The following AGBL4 variants were observed in gnomAD, a reference collection of about 807,000 sequenced individuals.
AGBL4 encodes AGBL carboxypeptidase 4, also known as cytosolic carboxypeptidase 6.
AGBL4 carries 58 observed loss-of-function variants against 66.4 expected under a neutral mutation model. The observed-to-expected ratio is 0.87, with a 90% CI of 0.71 to 1.09. The LOEUF is 1.09. Ranked by LOEUF, AGBL4 falls within the 50% of genes least tolerant of loss-of-function variation. AGBL4 has a pLI of 0.00. For missense variants in AGBL4, 579 were observed against 631.0 expected, an observed-to-expected ratio of 0.92 and a Z score of 0.88; for synonymous variants, 234 against 222.9, an observed-to-expected ratio of 1.05 and a Z score of -0.44.
intron 6 of AGBL4, among the ~76,000 whole-genome samples, chr1:48,673,054 A>C (rs1646303172): frequency 6.6e-6 from 1 of 152,134 alleles, no homozygotes; most frequent in Admixed American, 6.5e-5. Flanking sequence ...AACCTTCTCT[A>C]TCTCAGGAGA....
chr1:49,834,644 A>C lies in AGBL4; in HGVS notation c.157+16752T>G, dbSNP rs181979457. Among the ~76,000 whole-genome samples, 4 of 152,124 alleles carry C rather than the reference A, an allele frequency of 2.6e-5. No individual in the cohort carries two copies. In the East Asian group the frequency reaches 7.7e-4, roughly 29 times the overall value. On this transcript the variant is annotated intron_variant, in intron 2 of 13. Coordinates refer to ENST00000371839, the MANE Select transcript of AGBL4 (RefSeq NM_032785.4). ...TTTAAATGTTTTCTTTTGATTCTCT[A>C]GTTCTTTTAATTGTTATGTTAGGTG...
intron 8 of AGBL4, among the ~76,000 whole-genome samples, chr1:48,653,095 G>C (rs972893183): frequency 6.6e-6 from 1 of 152,148 alleles, no homozygotes; most frequent in African/African-American, 2.4e-5. Flanking sequence ...ACTGAGACTA[G>C]GTCTCCTGAT....
intron 3 of AGBL4, among the ~76,000 whole-genome samples, chr1:49,253,172 C>T (rs906190978): frequency 3.3e-5 from 5 of 152,066 alleles, no homozygotes; most frequent in Admixed American, 2.6e-4. Context: ...ATCTCACAAG[C>T]AATAACACAC....
At chr1:48,697,946 G>T (rs1023249266) in intron 6 of AGBL4, among the ~76,000 whole-genome samples, 1 of 152,214 alleles carries the variant, frequency 6.6e-6, no homozygotes, top group Non-Finnish European at 1.5e-5. Context: ...CCTGACTCTG[G>T]TCACAACTGG....
intron 3 of AGBL4, among the ~76,000 whole-genome samples, chr1:49,402,374 T>C (rs182333941): frequency 2.4e-3 from 370 of 152,328 alleles, no homozygotes; most frequent in Non-Finnish European, 4.5e-3. Flanking sequence ...GTATACTGTG[T>C]TTGCATTATC....
At chr1:49,654,750 G>A (rs192619716) in intron 3 of AGBL4, among the ~76,000 whole-genome samples, 5 of 152,216 alleles carry the variant, frequency 3.3e-5, no homozygotes, top group Admixed American at 6.5e-5. Flanking sequence ...TGCAACCCCT[G>A]CCTTTTTTTG....
intron 1 of AGBL4, among the ~76,000 whole-genome samples, chr1:49,861,145 T>TC (rs1646562075): frequency 6.6e-6 from 1 of 152,062 alleles, no homozygotes; most frequent in African/African-American, 2.4e-5. Flanking sequence ...CCACACACCT[T>TC]CCACCAAGGG....
intron 4 of AGBL4, among the ~76,000 whole-genome samples, chr1:49,120,826 T>A (rs1242935041): frequency 1.3e-5 from 2 of 152,216 alleles, no homozygotes; most frequent in African/African-American, 4.8e-5. Flanking sequence ...ATTCTCCCCA[T>A]CACTTTCAGG....
chr1:49,970,732 C>T (rs1658001312), intron 1 of AGBL4, among the ~76,000 whole-genome samples: 1 of 125,510 alleles, frequency 8.0e-6, no homozygotes. Context: ...CACACACACA[C>T]ACACACACAC....
At chr1:49,881,246 C>G (rs1432199057) in intron 1 of AGBL4, among the ~76,000 whole-genome samples, 1 of 152,086 alleles carries the variant, frequency 6.6e-6, no homozygotes, top group Non-Finnish European at 1.5e-5. Flanking sequence ...GCATAGTATT[C>G]CATGGTGTAT....
At chr1:49,918,168 G>T (rs1161837915) in intron 1 of AGBL4, among the ~76,000 whole-genome samples, 1 of 151,916 alleles carries the variant, frequency 6.6e-6, no homozygotes, top group African/African-American at 2.4e-5. Flanking sequence ...CATCACAATT[G>T]AAAGAATTAG....
chr1:48,739,240 G>A (rs765383416), intron 6 of AGBL4, among the ~76,000 whole-genome samples: 15 of 152,204 alleles, frequency 9.9e-5, no homozygotes, highest in Middle Eastern at 3.4e-3. Context: ...CCTTCAACCC[G>A]CCCATCCTAT....
intron 9 of AGBL4, among the ~76,000 whole-genome samples, chr1:48,620,236 C>T (rs1305794092): frequency 2.0e-5 from 3 of 152,114 alleles, no homozygotes; most frequent in Non-Finnish European, 4.4e-5. Context: ...GCTAATGGCT[C>T]AAACTTGCTT....
chr1:49,844,650 A>G, intron 2 of AGBL4: 2 of 1,555,338 alleles, frequency 1.3e-6, no homozygotes, highest in Non-Finnish European at 8.7e-7. Flanking sequence ...TTTGCCCTGG[A>G]ACAGAGATTA....
chr1:49,355,080 G>A (rs1035763110), intron 3 of AGBL4, among the ~76,000 whole-genome samples: 2 of 152,102 alleles, frequency 1.3e-5, no homozygotes, highest in African/African-American at 2.4e-5. Context: ...ATGCAGACAC[G>A]GGGAGAAAAT....
chr1:48,893,704 A>AC (rs1651219151), intron 5 of AGBL4, among the ~76,000 whole-genome samples: 2 of 24,456 alleles, frequency 8.2e-5, no homozygotes, highest in Non-Finnish European at 6.2e-4. Flanking sequence ...ATAAATAAAT[A>AC]AAAAGATAAA....
In AGBL4 at chr1:48,624,943, T is replaced by C. The variant is rs114593648; in HGVS notation, c.951+9550A>G. Among the ~76,000 whole-genome samples, 1,128 of 152,086 alleles carry C rather than the reference T, an allele frequency of 7.4e-3. 10 individuals carry two copies. Among genetic ancestry groups the C allele is most frequent in the South Asian group, 0.028 (132 of 4,800 alleles). ...GTGTGCACGTGACAGTGTCTTGCTC[T>C]ATTGCCCAGGCTGGAGGGCAATGGC... is the stretch of plus-strand genomic sequence containing the variant. On this transcript the variant is annotated intron_variant, in intron 9 of 13. Coordinates refer to ENST00000371839, the MANE Select transcript of AGBL4 (RefSeq NM_032785.4).
chr1:49,639,129 A>G (rs947919446), intron 3 of AGBL4, among the ~76,000 whole-genome samples: 28 of 152,294 alleles, frequency 1.8e-4, no homozygotes, highest in African/African-American at 6.5e-4. Context: ...CATCCCTGTG[A>G]AGATACCTCG....
At chr1:49,508,248 T>C (rs1288073009) in intron 3 of AGBL4, among the ~76,000 whole-genome samples, 3 of 151,994 alleles carry the variant, frequency 2.0e-5, no homozygotes, top group Admixed American at 1.3e-4. Context: ...CCAATCTCTT[T>C]TTCAAAGATA....
Sources: gnomAD v4.1 joint callset for allele counts (sites outside exome capture counted in the v4.1 genomes callset) on GRCh38, gnomAD v4.1.1 for gene constraint, MANE v1.5 for transcripts, NCBI Gene and HGNC (gene_info 2026-07-23, HGNC 2026-07-21) for gene names.